The following NTNG1 variants were observed in gnomAD, a reference collection of about 807,000 sequenced individuals.
NTNG1 encodes netrin G1, also known as netrin-G1.
In NTNG1, 16 loss-of-function variants were observed where a neutral mutation model predicts 54.0. The ratio of observed to expected loss-of-function variants is 0.30; its 90% confidence interval spans 0.20 to 0.45. The LOEUF is 0.45. NTNG1 is among the 20% of genes least tolerant of loss of function. NTNG1 has a pLI of 1.00. For synonymous variants in NTNG1, 255 were observed against 263.1 expected (o/e 0.97, Z 0.30); for missense variants, 530 against 678.7 (o/e 0.78, Z 2.43).
rs1667855494 is a variant in NTNG1 at position 107,324,827 on chromosome 1, A to G, written c.792A>G (p.Ile264Met). 6.2e-7 allele frequency: 1 copy of G among 1,613,472 alleles called. No homozygotes were observed. The highest frequency in any genetic ancestry group is 8.5e-7 in the Non-Finnish European group (1 of 1,179,722). ...TCTTTACAGTCACAGACCTGAGGAT[A>G]AGGCTGTTAAGACCAGCCGTTGGGG... ...RDFFTVTDLR[I>M]RLLRPAVGEI... The change falls in exon 3 of 8, where the codon ATA (isoleucine) becomes ATG (methionine). Residue 264 changes from isoleucine (I) to methionine (M), a missense_variant. Coordinates refer to ENST00000370068, the MANE Select transcript of NTNG1 (RefSeq NM_001113226.3).
At chr1:107,204,763 C>G (rs4550082) in intron 2 of NTNG1, among the ~76,000 whole-genome samples, 2 of 152,110 alleles carry the variant, frequency 1.3e-5, no homozygotes, top group Non-Finnish European at 2.9e-5. Flanking sequence ...GGGGTTTTAT[C>G]TTGAATCTGA....
chr1:107,358,859 C>A (rs899278952), intron 3 of NTNG1, among the ~76,000 whole-genome samples: 29 of 152,272 alleles, frequency 1.9e-4, no homozygotes, highest in Admixed American at 1.3e-3. Flanking sequence ...GAAGTCTGTG[C>A]CTTGAACTGA....
chr1:107,355,123 C>A (rs937074877), intron 3 of NTNG1, among the ~76,000 whole-genome samples: 3 of 151,876 alleles, frequency 2.0e-5, no homozygotes, highest in Non-Finnish European at 4.4e-5. Flanking sequence ...TTCTTTTAAA[C>A]CTTCCTGATC....
chr1:107,185,464 C>A (rs576704817), intron 2 of NTNG1, among the ~76,000 whole-genome samples: 1 of 152,234 alleles, frequency 6.6e-6, no homozygotes, highest in East Asian at 1.9e-4. Context: ...TGTCTGTGTG[C>A]CCTTTCTTCT....
chr1:107,241,642 T>C (rs1245085402), intron 2 of NTNG1, among the ~76,000 whole-genome samples: 2 of 152,086 alleles, frequency 1.3e-5, no homozygotes, highest in East Asian at 3.9e-4. Context: ...AGAATGCCAA[T>C]AGTTGTGCCA....
chr1:107,278,485 A>G (rs906903932), intron 2 of NTNG1, among the ~76,000 whole-genome samples: 2 of 152,144 alleles, frequency 1.3e-5, no homozygotes, highest in Non-Finnish European at 2.9e-5. Context: ...TTTTGTGTTT[A>G]TTACTTTTTA....
intron 2 of NTNG1, among the ~76,000 whole-genome samples, chr1:107,191,840 A>G (rs1428067370): frequency 1.3e-5 from 2 of 151,956 alleles, no homozygotes; most frequent in Non-Finnish European, 2.9e-5. Flanking sequence ...GCCTTGTAGT[A>G]TAGTTTGAAG....
At chr1:107,173,196 T>G (rs1206103746) in intron 2 of NTNG1, among the ~76,000 whole-genome samples, 1 of 152,162 alleles carries the variant, frequency 6.6e-6, no homozygotes, top group Non-Finnish European at 1.5e-5. Context: ...CAGGATTTTG[T>G]TGTGTTGCTG....
intron 2 of NTNG1, among the ~76,000 whole-genome samples, chr1:107,190,429 AT>A (rs1657815197): frequency 1.3e-5 from 2 of 152,020 alleles, no homozygotes; most frequent in Non-Finnish European, 2.9e-5. Context: ...TTTTTTAAAA[AT>A]TTTATTATTA....
chr1:107,278,494 T>A (rs1664627131), intron 2 of NTNG1, among the ~76,000 whole-genome samples: 1 of 152,192 alleles, frequency 6.6e-6, no homozygotes, highest in Admixed American at 6.5e-5. Flanking sequence ...TATTACTTTT[T>A]AAAAATCAGA....
chr1:107,224,003 GT>G (rs1269347577), intron 2 of NTNG1, among the ~76,000 whole-genome samples: 1 of 152,136 alleles, frequency 6.6e-6, no homozygotes, highest in Non-Finnish European at 1.5e-5. Context: ...TAGTTCAATT[GT>G]TTTAAGATAT....
intron 2 of NTNG1, among the ~76,000 whole-genome samples, chr1:107,266,210 G>A (rs1663726464): frequency 6.6e-6 from 1 of 152,132 alleles, no homozygotes; most frequent in Non-Finnish European, 1.5e-5. Context: ...TATGGGAGGG[G>A]AAATGCTTAT....
intron 7 of NTNG1, among the ~76,000 whole-genome samples, chr1:107,478,839 C>CA (rs1260885502): frequency 1.3e-5 from 2 of 152,158 alleles, no homozygotes; most frequent in African/African-American, 2.4e-5. Context: ...TAACTAAAGC[C>CA]AAAAAACAAG....
chr1:107,404,841 G>A (rs1012651281), intron 4 of NTNG1, among the ~76,000 whole-genome samples: 1 of 152,114 alleles, frequency 6.6e-6, no homozygotes, highest in South Asian at 2.1e-4. Flanking sequence ...AGTTTCAAAG[G>A]TAATAATATT....
chr1:107,432,099 G>C (rs1354975382), intron 6 of NTNG1, among the ~76,000 whole-genome samples: 1 of 152,182 alleles, frequency 6.6e-6, no homozygotes, highest in Non-Finnish European at 1.5e-5. Flanking sequence ...AATTAGGAGA[G>C]AAAGTACTGG....
chr1:107,476,800 A>G (rs1678361562), intron 7 of NTNG1, among the ~76,000 whole-genome samples: 1 of 151,998 alleles, frequency 6.6e-6, no homozygotes, highest in African/African-American at 2.4e-5. Flanking sequence ...CTTATTACTA[A>G]ACTCCACTGT....
chr1:107,158,837 A>G (rs560089371), intron 2 of NTNG1, among the ~76,000 whole-genome samples: 1 of 152,284 alleles, frequency 6.6e-6, no homozygotes, highest in South Asian at 2.1e-4. Context: ...CTGTTCTAGA[A>G]AAAGAATTCT....
chr1:107,405,862 A>C (rs1673382894), intron 4 of NTNG1, among the ~76,000 whole-genome samples: 1 of 151,958 alleles, frequency 6.6e-6, no homozygotes, highest in South Asian at 2.1e-4. Flanking sequence ...TCAACAGAGG[A>C]TTTGCAAAAA....
intron 5 of NTNG1, among the ~76,000 whole-genome samples, chr1:107,421,596 T>C (rs1674578601): frequency 6.6e-6 from 1 of 152,078 alleles, no homozygotes; most frequent in Admixed American, 6.6e-5. Flanking sequence ...AAAAATTGTT[T>C]CGAATAACTT....
Sources: gnomAD v4.1 joint callset for allele counts (sites outside exome capture counted in the v4.1 genomes callset) on GRCh38, gnomAD v4.1.1 for gene constraint, MANE v1.5 for transcripts, NCBI Gene and HGNC (gene_info 2026-07-23, HGNC 2026-07-21) for gene names.